The following PRELID2 variants were observed in gnomAD, a reference collection of about 807,000 sequenced individuals.
PRELID2 encodes the protein PRELI domain containing 2.
In PRELID2, 25 loss-of-function variants were observed where a neutral mutation model predicts 28.4. The observed-to-expected ratio is 0.88, with a 90% CI of 0.64 to 1.23. PRELID2 has a LOEUF of 1.23. Among genes scored for constraint, PRELID2 ranks in the 50% most tolerant of loss-of-function variants. PRELID2 has a pLI of 0.00. For missense variants in PRELID2, 201 were observed against 214.4 expected, an observed-to-expected ratio of 0.94 and a Z score of 0.39; for synonymous variants, 76 against 71.6, an observed-to-expected ratio of 1.06 and a Z score of -0.31.
At chr5:145,522,957 A>T (rs894473179) in intron 1 of PRELID2, among the ~76,000 whole-genome samples, 1 of 152,228 alleles carries the variant, frequency 6.6e-6, no homozygotes, top group Non-Finnish European at 1.5e-5. Context: ...GTTGTGTGCC[A>T]TTATGTATAA....
At chr5:145,312,405 G>A in the PRELID2 span, among the ~76,000 whole-genome samples, 7 of 152,062 alleles carry the variant, frequency 4.6e-5, no homozygotes, top group African/African-American at 1.7e-4. Flanking sequence ...CAATACATTA[G>A]TATTAACTGT....
chr5:145,740,581 T>TTA (rs1491213140), intron 1 of PRELID2, among the ~76,000 whole-genome samples: 1 of 2,170 alleles, frequency 4.6e-4, no homozygotes, highest in Non-Finnish European at 1.0e-3. Context: ...AATATATATA[T>TTA]TATATATATA....
At chr5:145,345,717 T>C in the PRELID2 span, among the ~76,000 whole-genome samples, 1 of 152,124 alleles carries the variant, frequency 6.6e-6, no homozygotes, top group African/African-American at 2.4e-5. Flanking sequence ...AATCTGAAAA[T>C]AATTGCTGAA....
At chr5:145,392,616 G>A in the PRELID2 span, among the ~76,000 whole-genome samples, 10 of 152,086 alleles carry the variant, frequency 6.6e-5, no homozygotes, top group Non-Finnish European at 1.5e-4. Flanking sequence ...AATTTGATCT[G>A]TAATTGTAAC....
chr5:145,607,407 C>T (rs1215405170), intron 1 of PRELID2, among the ~76,000 whole-genome samples: 1 of 152,126 alleles, frequency 6.6e-6, no homozygotes, highest in African/African-American at 2.4e-5. Context: ...GCTCTTACCA[C>T]TGCTTTAGCT....
chr5:145,579,576 T>C (rs1438927384), intron 1 of PRELID2, among the ~76,000 whole-genome samples: 1 of 152,168 alleles, frequency 6.6e-6, no homozygotes, highest in East Asian at 1.9e-4. Flanking sequence ...CCATTAAAAA[T>C]CAGAAAAAGC....
chr5:145,500,210 T>C (rs961146059), intron 1 of PRELID2, among the ~76,000 whole-genome samples: 2 of 152,176 alleles, frequency 1.3e-5, no homozygotes, highest in African/African-American at 4.8e-5. Context: ...GATTGGATCA[T>C]GGGGATGAAT....
intron 1 of PRELID2, among the ~76,000 whole-genome samples, chr5:145,645,858 C>T (rs1286727168): frequency 1.3e-5 from 2 of 152,128 alleles, no homozygotes; most frequent in Non-Finnish European, 2.9e-5. Context: ...TGAATATTGG[C>T]CCCACTCTCT....
intron 1 of PRELID2, among the ~76,000 whole-genome samples, chr5:145,649,237 T>C (rs1754247345): frequency 6.6e-6 from 1 of 152,208 alleles, no homozygotes; most frequent in Non-Finnish European, 1.5e-5. Context: ...GCAAATACTA[T>C]GCCATTTTAT....
At chr5:145,414,986 C>T in the PRELID2 span, among the ~76,000 whole-genome samples, 1 of 152,162 alleles carries the variant, frequency 6.6e-6, no homozygotes, top group Admixed American at 6.6e-5. Context: ...AGCTCTGGAT[C>T]AAGTGGCTCT....
chr5:145,501,778 T>C (rs993368576), intron 1 of PRELID2, among the ~76,000 whole-genome samples: 4 of 152,270 alleles, frequency 2.6e-5, no homozygotes, highest in African/African-American at 9.6e-5. Context: ...CTCTGTGACA[T>C]TTTCCTTGGC....
At chr5:145,755,262 C>T (rs529745734), downstream of PRELID2, among the ~76,000 whole-genome samples, 2 of 152,264 alleles carry the variant, frequency 1.3e-5, no homozygotes, top group Admixed American at 6.5e-5. Flanking sequence ...TTCTGGAGGG[C>T]AAACAACAAC....
At chr5:145,394,629 T>C in the PRELID2 span, among the ~76,000 whole-genome samples, 2 of 152,134 alleles carry the variant, frequency 1.3e-5, no homozygotes, top group South Asian at 4.2e-4. Flanking sequence ...ATTATAACTA[T>C]AGTAAATACT....
chr5:145,620,264 A>G (rs565057757), intron 1 of PRELID2, among the ~76,000 whole-genome samples: 207 of 152,340 alleles, frequency 1.4e-3, no homozygotes, highest in African/African-American at 4.8e-3. Context: ...ACACCAAAGC[A>G]TAACTCCAGT....
the PRELID2 span, among the ~76,000 whole-genome samples, chr5:145,331,983 A>G: frequency 6.6e-6 from 1 of 152,166 alleles, no homozygotes; most frequent in Non-Finnish European, 1.5e-5. Context: ...AAAATCTCTC[A>G]GCATTTGCTT....
chr5:145,610,565 T>A (rs984216146), intron 1 of PRELID2, among the ~76,000 whole-genome samples: 2 of 152,158 alleles, frequency 1.3e-5, no homozygotes, highest in Non-Finnish European at 2.9e-5. Context: ...TTATGAGAGA[T>A]CCTGACTAAT....
the PRELID2 span, among the ~76,000 whole-genome samples, chr5:145,456,061 G>T: frequency 1.9e-3 from 293 of 152,272 alleles, no homozygotes; most frequent in South Asian, 3.5e-3. Flanking sequence ...AGGTTCTGCA[G>T]GGCCTGACCC....
the PRELID2 span, among the ~76,000 whole-genome samples, chr5:145,240,104 T>A: frequency 6.6e-6 from 1 of 152,018 alleles, no homozygotes; most frequent in Non-Finnish European, 1.5e-5. Context: ...ATTGAATGCA[T>A]GAAAATGAAT....
chr5:145,798,599 A>T (rs1752918345), intron 4 of PRELID2, among the ~76,000 whole-genome samples: 1 of 152,210 alleles, frequency 6.6e-6, no homozygotes, highest in Non-Finnish European at 1.5e-5. Flanking sequence ...CACTATTCAC[A>T]ATAGCAAAGA....
Sources: gnomAD v4.1 joint callset for allele counts (sites outside exome capture counted in the v4.1 genomes callset) on GRCh38, gnomAD v4.1.1 for gene constraint, MANE v1.5 for transcripts, NCBI Gene and HGNC (gene_info 2026-07-23, HGNC 2026-07-21) for gene names.